Variants in LNX1 observed in about 807,000 individuals in gnomAD.
LNX1 encodes ligand of numb-protein X 1.
In LNX1, 54 loss-of-function variants were observed where a neutral mutation model predicts 68.4. The observed-to-expected ratio is 0.79, with a 90% CI of 0.63 to 0.99. The LOEUF is 0.99. LNX1 is among the 50% of genes least tolerant of loss of function. The pLI is 0.00. For synonymous variants in LNX1, 336 were observed against 350.0 expected, an observed-to-expected ratio of 0.96 and a Z score of 0.45; for missense variants, 906 against 926.4, an observed-to-expected ratio of 0.98 and a Z score of 0.29.
intron 10 of LNX1, 104 bp from the exon 11 acceptor site, chr4:53,461,146 T>C: frequency 1.1e-6 from 1 of 899,616 alleles, no homozygotes; most frequent in Non-Finnish European, 1.6e-6. Context: ...TCTGACCATT[T>C]TAATTATGTT....
chr4:53,464,667 G>T (rs936971774), intron 9 of LNX1, among the ~76,000 whole-genome samples: 3 of 152,072 alleles, frequency 2.0e-5, no homozygotes, highest in African/African-American at 7.2e-5. Flanking sequence ...ACTACAATAA[G>T]TTGACACTGC....
chr4:53,491,505 C>T (rs1309756563), intron 6 of LNX1, among the ~76,000 whole-genome samples: 1 of 152,124 alleles, frequency 6.6e-6, no homozygotes, highest in East Asian at 1.9e-4. Context: ...CAGCATGGTA[C>T]CACACACCTC....
intron 6 of LNX1, among the ~76,000 whole-genome samples, chr4:53,495,221 C>T (rs748703447): frequency 2.6e-5 from 4 of 151,658 alleles, no homozygotes; most frequent in South Asian, 2.1e-4. Flanking sequence ...TCTCAAAATA[C>T]GAAGGTGAGT....
intron 2 of LNX1, among the ~76,000 whole-genome samples, chr4:53,605,682 T>C (rs1733200665): frequency 6.6e-6 from 1 of 152,208 alleles, no homozygotes; most frequent in Admixed American, 6.5e-5. Context: ...TCACGCAGTA[T>C]TTTTCTTGTC....
intron 2 of LNX1, among the ~76,000 whole-genome samples, chr4:53,512,230 G>GCAGCAA (rs1726396919): frequency 1.6e-4 from 1 of 6,084 alleles, no homozygotes; most frequent in Non-Finnish European, 5.7e-3. Flanking sequence ...GAGAAATTTG[G>GCAGCAA]AAGTTTTTCA....
At chr4:53,522,129 T>C (rs141739200) in intron 2 of LNX1, among the ~76,000 whole-genome samples, 7 of 152,254 alleles carry the variant, frequency 4.6e-5, no homozygotes, top group East Asian at 3.9e-4. Context: ...ACGAGGCTTC[T>C]TGGGCTAGAC....
intron 6 of LNX1, among the ~76,000 whole-genome samples, chr4:53,488,416 C>T (rs777816271): frequency 3.3e-5 from 5 of 152,184 alleles, no homozygotes; most frequent in Admixed American, 2.6e-4. Context: ...GTTTTTTCCA[C>T]ATTAAATATC....
intron 2 of LNX1, among the ~76,000 whole-genome samples, chr4:53,549,127 C>G (rs1301518156): frequency 6.6e-6 from 1 of 152,044 alleles, no homozygotes; most frequent in African/African-American, 2.4e-5. Flanking sequence ...ATGTATTTAC[C>G]TATGTAACAA....
At chr4:53,558,281 T>A (rs998368150) in intron 2 of LNX1, 4 of 1,132,054 alleles carry the variant, frequency 3.5e-6, no homozygotes, top group Non-Finnish European at 4.4e-6. Context: ...GACTGGTTCT[T>A]GGGAAGCAGC....
chr4:53,624,858 T>C (rs1176987414), intron 1 of LNX1, among the ~76,000 whole-genome samples: 2 of 152,206 alleles, frequency 1.3e-5, no homozygotes, highest in East Asian at 1.9e-4. Context: ...TTCAATAGAA[T>C]GTATTTATTT....
intron 2 of LNX1, among the ~76,000 whole-genome samples, chr4:53,530,347 A>G (rs1727931070): frequency 6.6e-6 from 1 of 152,234 alleles, no homozygotes; most frequent in East Asian, 1.9e-4. Flanking sequence ...CACCCAAAAA[A>G]GCCACCAAAA....
intron 2 of LNX1, among the ~76,000 whole-genome samples, chr4:53,559,994 T>C (rs1437949228): frequency 6.6e-6 from 1 of 152,184 alleles, no homozygotes; most frequent in Non-Finnish European, 1.5e-5. Flanking sequence ...CGATAGTGAA[T>C]GAGCCTACTT....
intron 2 of LNX1, among the ~76,000 whole-genome samples, chr4:53,564,837 G>T (rs941490839): frequency 3.9e-5 from 6 of 152,232 alleles, no homozygotes; most frequent in African/African-American, 1.2e-4. Context: ...CTTGGGAAGC[G>T]CAAGGAGTCA....
chr4:53,646,106 G>T (rs948841233), intron 1 of LNX1, among the ~76,000 whole-genome samples: 2 of 152,304 alleles, frequency 1.3e-5, no homozygotes, highest in Admixed American at 6.5e-5. Flanking sequence ...CAGTCATGAA[G>T]GCTCTTATGA....
intron 1 of LNX1, among the ~76,000 whole-genome samples, chr4:53,647,379 T>G (rs1734924149): frequency 6.6e-6 from 1 of 152,086 alleles, no homozygotes; most frequent in Non-Finnish European, 1.5e-5. Context: ...AAGCAATCTC[T>G]CTCTCTCTTT....
chr4:53,466,896 CTG>C (rs1339988474), intron 9 of LNX1, among the ~76,000 whole-genome samples: 1 of 152,214 alleles, frequency 6.6e-6, no homozygotes, highest in Non-Finnish European at 1.5e-5. Context: ...GCCTGCTTCT[CTG>C]TAGGCTCCAT....
At chr4:53,503,922 T>C (rs1333392675) in intron 4 of LNX1, among the ~76,000 whole-genome samples, 1 of 152,150 alleles carries the variant, frequency 6.6e-6, no homozygotes, top group East Asian at 1.9e-4. Context: ...TGACCTGCGG[T>C]CAGGAGTTCA....
chr4:53,619,437 G>A (rs1452552584), upstream of LNX1, among the ~76,000 whole-genome samples: 1 of 152,068 alleles, frequency 6.6e-6, no homozygotes, highest in African/African-American at 2.4e-5. Flanking sequence ...CATATAAATG[G>A]AATCATGCAA....
intron 2 of LNX1, among the ~76,000 whole-genome samples, chr4:53,511,798 A>G (rs905165435): frequency 2.0e-5 from 3 of 152,166 alleles, no homozygotes; most frequent in Non-Finnish European, 4.4e-5. Context: ...AGACGTTCTG[A>G]TAGGGTATCC....
Sources: gnomAD v4.1 joint callset for allele counts (sites outside exome capture counted in the v4.1 genomes callset) on GRCh38, gnomAD v4.1.1 for gene constraint, MANE v1.5 for transcripts, NCBI Gene and HGNC (gene_info 2026-07-23, HGNC 2026-07-21) for gene names.